RFX3: variants seen among roughly 807,000 people sequenced by gnomAD.
The protein encoded by RFX3 is transcription factor RFX3.
Under a neutral mutation model 98.6 loss-of-function variants are expected in RFX3, and 14 were observed. That is an observed-to-expected ratio of 0.14 (90% CI 0.09 to 0.22). RFX3 has a LOEUF of 0.22. RFX3 is among the 10% of genes least tolerant of loss of function. The probability of loss-of-function intolerance (pLI) is 1.00; values close to 1 mark genes in which losing one functional copy is unlikely to be tolerated. For missense variants in RFX3, 639 were observed against 926.9 expected, an observed-to-expected ratio of 0.69 and a Z score of 4.03; for synonymous variants, 383 against 328.4, an observed-to-expected ratio of 1.17 and a Z score of -1.80.
At chr9:3,508,536 G>A (rs1429681103) in intron 1 of RFX3, among the ~76,000 whole-genome samples, 1 of 151,756 alleles carries the variant, frequency 6.6e-6, no homozygotes, top group African/African-American at 2.4e-5. Flanking sequence ...AAATGATAAA[G>A]AATAAAAAAG....
chr9:3,409,308 G>T (rs1218331182), intron 1 of RFX3, among the ~76,000 whole-genome samples: 1 of 152,124 alleles, frequency 6.6e-6, no homozygotes, highest in South Asian at 2.1e-4. Flanking sequence ...TCACACACTT[G>T]TTAACCAATT....
rs183737960 is a variant in RFX3, at chr9:3,413,695, C to T, written c.-8-18099G>A. 4.5e-3 allele frequency among the ~76,000 whole-genome samples: 688 copies of T among 152,196 alleles called. 5 individuals are homozygous for T. The highest frequency in any genetic ancestry group is 8.4e-3 in the Non-Finnish European group (573 of 67,964). On this transcript the variant is annotated intron_variant, in intron 1 of 16. Coordinates refer to ENST00000617270, the MANE Select transcript of RFX3 (RefSeq NM_001282116.2). ...TGAAATTCACCCTAACAGTTCATTGCTTTAACACCTTTTGAGTAGAGACAG... is the reference window on the plus strand; with the variant it reads ...TGAAATTCACCCTAACAGTTCATTGTTTTAACACCTTTTGAGTAGAGACAG...
At chr9:3,232,396 T>C (rs1818589172) in intron 15 of RFX3, among the ~76,000 whole-genome samples, 1 of 152,152 alleles carries the variant, frequency 6.6e-6, no homozygotes, top group Non-Finnish European at 1.5e-5. Context: ...CCTGTCACTC[T>C]CAGTCACCGC....
At chr9:3,341,352 T>C (rs2131067167) in intron 3 of RFX3, among the ~76,000 whole-genome samples, 1 of 151,742 alleles carries the variant, frequency 6.6e-6, no homozygotes, top group South Asian at 2.1e-4. Flanking sequence ...CATGTATACA[T>C]ATGTAACAAA....
intron 4 of RFX3, among the ~76,000 whole-genome samples, chr9:3,311,595 C>T (rs914373825): frequency 1.3e-5 from 2 of 152,128 alleles, no homozygotes; most frequent in Non-Finnish European, 2.9e-5. Flanking sequence ...GTTAGAAATG[C>T]TAAACAAGAC....
chr9:3,323,050 A>T (rs1831491968), intron 4 of RFX3, among the ~76,000 whole-genome samples: 2 of 152,220 alleles, frequency 1.3e-5, no homozygotes, highest in African/African-American at 2.4e-5. Context: ...CTCCTATGTC[A>T]TGAAATTTAC....
intron 15 of RFX3, among the ~76,000 whole-genome samples, chr9:3,236,757 T>G (rs946538058): frequency 6.6e-6 from 1 of 152,176 alleles, no homozygotes; most frequent in Non-Finnish European, 1.5e-5. Flanking sequence ...AGTCCACATA[T>G]GTGAAAATGT....
intron 7 of RFX3, among the ~76,000 whole-genome samples, chr9:3,282,172 T>G (rs1190593379): frequency 6.6e-6 from 1 of 151,800 alleles, no homozygotes; most frequent in Non-Finnish European, 1.5e-5. Context: ...TTTAGATGAC[T>G]TCATGTCTGA....
intron 1 of RFX3, among the ~76,000 whole-genome samples, chr9:3,412,481 A>C (rs1842543057): frequency 6.6e-6 from 1 of 152,216 alleles, no homozygotes; most frequent in African/African-American, 2.4e-5. Context: ...CAAACCATTT[A>C]ATAAAGATAT....
chr9:3,478,635 TAC>T (rs1340197261), intron 1 of RFX3, among the ~76,000 whole-genome samples: 1 of 152,156 alleles, frequency 6.6e-6, no homozygotes, highest in Non-Finnish European at 1.5e-5. Flanking sequence ...ACTTCCTGCT[TAC>T]ACAGTGCCTC....
At chr9:3,479,378 A>G (rs1043818912) in intron 1 of RFX3, among the ~76,000 whole-genome samples, 3 of 152,156 alleles carry the variant, frequency 2.0e-5, no homozygotes, top group African/African-American at 7.2e-5. Flanking sequence ...AAAAGATCTT[A>G]ACCAAAAAAA....
chr9:3,392,355 A>G (rs1840401385), intron 2 of RFX3, among the ~76,000 whole-genome samples: 1 of 152,060 alleles, frequency 6.6e-6, no homozygotes, highest in Non-Finnish European at 1.5e-5. Context: ...AAAAATTAAT[A>G]TCTTCAGAAA....
At chr9:3,389,619 TG>T (rs932588765) in intron 2 of RFX3, among the ~76,000 whole-genome samples, 4 of 152,114 alleles carry the variant, frequency 2.6e-5, no homozygotes, top group Non-Finnish European at 5.9e-5. Flanking sequence ...CTAAACTTTT[TG>T]AGTGCCAGTA....
At chr9:3,376,165 A>C (rs1359980078) in intron 2 of RFX3, among the ~76,000 whole-genome samples, 1 of 152,182 alleles carries the variant, frequency 6.6e-6, no homozygotes, top group African/African-American at 2.4e-5. Context: ...GCATGGCTAA[A>C]ATTAAAAATA....
chr9:3,383,374 T>C (rs976392336), intron 2 of RFX3, among the ~76,000 whole-genome samples: 21 of 152,292 alleles, frequency 1.4e-4, no homozygotes, highest in Admixed American at 3.9e-4. Flanking sequence ...TTAATCCTTC[T>C]TGACATAAAG....
At chr9:3,229,818 A>C (rs1818247781) in intron 15 of RFX3, among the ~76,000 whole-genome samples, 1 of 152,232 alleles carries the variant, frequency 6.6e-6, no homozygotes, top group African/African-American at 2.4e-5. Flanking sequence ...GCTTATAAAG[A>C]GTTCCATGAT....
chr9:3,320,909 GTCTTTT>G (rs1831221850), intron 4 of RFX3, among the ~76,000 whole-genome samples: 1 of 150,836 alleles, frequency 6.6e-6, no homozygotes, highest in African/African-American at 2.4e-5. Context: ...GCAGTTTCCA[GTCTTTT>G]TCTTTTTTGA....
intron 1 of RFX3, among the ~76,000 whole-genome samples, chr9:3,477,722 C>A (rs1448034160): frequency 6.6e-6 from 1 of 152,006 alleles, no homozygotes; most frequent in Admixed American, 6.6e-5. Context: ...AAGTTTTCTG[C>A]CATTTTTTTT....
chr9:3,522,695 TA>T (rs766108771), intron 1 of RFX3, among the ~76,000 whole-genome samples: 7 of 152,128 alleles, frequency 4.6e-5, no homozygotes, highest in Admixed American at 1.3e-4. Flanking sequence ...TTCTGCCTGC[TA>T]ATTTCTTCAG....
Sources: allele counts gnomAD v4.1 joint callset (sites outside exome capture counted in the v4.1 genomes callset), GRCh38; gene constraint gnomAD v4.1.1; transcripts MANE v1.5; gene names NCBI Gene and HGNC (gene_info 2026-07-23, HGNC 2026-07-21).